The following DYM variants were observed in gnomAD, a reference collection of about 807,000 sequenced individuals.
DYM encodes the protein dymeclin, also known as dyggve-Melchior-Clausen syndrome protein.
DYM carries 78 observed loss-of-function variants against 93.1 expected under a neutral mutation model. That is an observed-to-expected ratio of 0.84 (90% CI 0.70 to 1.01). DYM has a LOEUF of 1.01. Among genes scored for constraint, DYM ranks in the 50% least tolerant of loss-of-function variants. The pLI, the probability that DYM is intolerant of heterozygous loss-of-function variation, is 0.00. For synonymous variants in DYM, 321 were observed against 319.7 expected (o/e 1.00, Z -0.04); for missense variants, 789 against 845.0 (o/e 0.93, Z 0.82).
chr18:49,266,546 G>C (rs2094572819), intron 11 of DYM, among the ~76,000 whole-genome samples: 1 of 152,196 alleles, frequency 6.6e-6, no homozygotes, highest in African/African-American at 2.4e-5. Flanking sequence ...AGGAAGTCAA[G>C]GCTACAGTGA....
At chr18:49,454,523 T>TC (rs112393800) in intron 1 of DYM, among the ~76,000 whole-genome samples, 1,680 of 152,092 alleles carry the variant, frequency 0.011, 31 homozygotes, top group African/African-American at 0.039. Context: ...CAACCAGCCT[T>TC]CCCCACACAC....
chr18:49,237,734 C>T (rs143688249), intron 13 of DYM, among the ~76,000 whole-genome samples: 8 of 152,170 alleles, frequency 5.3e-5, no homozygotes, highest in Non-Finnish European at 1.0e-4. Context: ...CACCCCATAA[C>T]CACTTTTATC....
chr18:49,205,791 A>T (rs2092444570), intron 14 of DYM: 1 of 152,492 alleles, frequency 6.6e-6, no homozygotes, highest in African/African-American at 2.4e-5. Flanking sequence ...CCAATATACA[A>T]AAATTATTGG....
chr18:49,162,751 C>G (rs1350761868), intron 15 of DYM, among the ~76,000 whole-genome samples: 3 of 152,094 alleles, frequency 2.0e-5, no homozygotes, highest in African/African-American at 7.2e-5. Context: ...GAGAGCAGAG[C>G]CAATTAGATT....
At chr18:49,187,364 A>T (rs1351408115) in intron 14 of DYM, among the ~76,000 whole-genome samples, 2 of 152,218 alleles carry the variant, frequency 1.3e-5, no homozygotes, top group East Asian at 3.9e-4. Flanking sequence ...TCACATTGAC[A>T]GTAAGGACAG....
chr18:49,220,247 A>G (rs1179425529), intron 13 of DYM, among the ~76,000 whole-genome samples: 1 of 151,062 alleles, frequency 6.6e-6, no homozygotes, highest in Non-Finnish European at 1.5e-5. Context: ...GCTCAATGAA[A>G]TAAAAGAGGA....
At chr18:49,297,592 A>T (rs550994134) in intron 8 of DYM, among the ~76,000 whole-genome samples, 1 of 152,304 alleles carries the variant, frequency 6.6e-6, no homozygotes, top group Admixed American at 6.5e-5. Context: ...AAAACACTGT[A>T]TGTATCCCTT....
At chr18:49,183,354 A>G (rs2090110485) in intron 14 of DYM, among the ~76,000 whole-genome samples, 1 of 152,136 alleles carries the variant, frequency 6.6e-6, no homozygotes, top group Admixed American at 6.5e-5. Flanking sequence ...ATCAGGAAGG[A>G]CAAACACCAC....
chr18:49,327,514 G>A (rs752538095), intron 8 of DYM, among the ~76,000 whole-genome samples: 2 of 151,838 alleles, frequency 1.3e-5, no homozygotes, highest in South Asian at 2.1e-4. Context: ...GCACCACCAC[G>A]TCCAGCTAAT....
chr18:49,072,169 A>T (rs1366169880), intron 17 of DYM, among the ~76,000 whole-genome samples: 1 of 152,236 alleles, frequency 6.6e-6, no homozygotes, highest in Non-Finnish European at 1.5e-5. Flanking sequence ...ACCTTCACTT[A>T]TCCAAACATT....
At chr18:49,267,077 T>C (rs2094582269) in intron 11 of DYM, among the ~76,000 whole-genome samples, 1 of 152,118 alleles carries the variant, frequency 6.6e-6, no homozygotes, top group Non-Finnish European at 1.5e-5. Flanking sequence ...CAAAAGCTAG[T>C]TCTTTAAAGT....
At chr18:49,344,904 T>C (rs945705259) in intron 6 of DYM, among the ~76,000 whole-genome samples, 4 of 152,156 alleles carry the variant, frequency 2.6e-5, no homozygotes, top group East Asian at 1.9e-4. Flanking sequence ...TAAATAAATA[T>C]GTTATACATT....
chr18:49,068,212 G>A (rs1238166800), intron 17 of DYM, among the ~76,000 whole-genome samples: 1 of 152,144 alleles, frequency 6.6e-6, no homozygotes, highest in Non-Finnish European at 1.5e-5. Flanking sequence ...ACATGACCAG[G>A]TGCAGTCAGG....
At chr18:49,068,908 G>A (rs1312584715) in intron 17 of DYM, among the ~76,000 whole-genome samples, 4 of 152,190 alleles carry the variant, frequency 2.6e-5, no homozygotes, top group African/African-American at 9.7e-5. Flanking sequence ...TGGAATTGAT[G>A]TTTTTTCATA....
intron 16 of DYM, among the ~76,000 whole-genome samples, chr18:49,100,947 G>A (rs1317433577): frequency 6.6e-6 from 1 of 152,234 alleles, no homozygotes; most frequent in Non-Finnish European, 1.5e-5. Context: ...ATATCTAAGT[G>A]AAAGGTGTAA....
Position 49,178,360 on chromosome 18 carries a change from G to A in DYM, c.1626-14573C>T, listed in dbSNP as rs752647860. On this transcript the variant is annotated intron_variant, in intron 14 of 17. Coordinates refer to ENST00000675505, the MANE Select transcript of DYM (RefSeq NM_001353214.3). ...AATTCCACTATGGTTTAGTACATCA[G>A]TACATGCTCAAATCAACAACCCTGC... Among the ~76,000 whole-genome samples the A allele has an allele frequency of 2.0e-5, 3 of 151,454 alleles. No homozygotes were observed. The East Asian group carries it at 5.8e-4, about 29-fold the overall frequency.
chr18:49,427,672 A>T (rs2074416304), intron 2 of DYM, among the ~76,000 whole-genome samples: 1 of 152,246 alleles, frequency 6.6e-6, no homozygotes, highest in African/African-American at 2.4e-5. Context: ...CTGAATGAAC[A>T]AAATGTACTA....
intron 17 of DYM, among the ~76,000 whole-genome samples, chr18:49,050,892 C>T (rs945011405): frequency 6.6e-6 from 1 of 152,168 alleles, no homozygotes; most frequent in Non-Finnish European, 1.5e-5. Flanking sequence ...ATGTCACTGA[C>T]ATCTTAAGGC....
chr18:49,100,019 A>G (rs1224083419), intron 16 of DYM, among the ~76,000 whole-genome samples: 2 of 152,168 alleles, frequency 1.3e-5, no homozygotes, highest in African/African-American at 4.8e-5. Context: ...CATATACTAC[A>G]CTAAGCTTTA....
Sources: allele counts gnomAD v4.1 joint callset (sites outside exome capture counted in the v4.1 genomes callset), GRCh38; gene constraint gnomAD v4.1.1; transcripts MANE v1.5; gene names NCBI Gene and HGNC (gene_info 2026-07-23, HGNC 2026-07-21).